AUTS2: variants seen among roughly 807,000 people sequenced by gnomAD.
AUTS2 encodes the protein activator of transcription and developmental regulator AUTS2.
In AUTS2, 17 loss-of-function variants were observed where a neutral mutation model predicts 112.4. The observed-to-expected ratio is 0.15, with a 90% confidence interval of 0.10 to 0.23. AUTS2 has a LOEUF of 0.23. AUTS2 is among the 10% of genes least tolerant of loss of function. The probability of loss-of-function intolerance (pLI) is 1.00; values close to 1 mark genes in which losing one functional copy is unlikely to be tolerated. For missense variants in AUTS2, 1,510 were observed against 1,701.6 expected, an observed-to-expected ratio of 0.89 and a Z score of 1.98; for synonymous variants, 751 against 702.7, an observed-to-expected ratio of 1.07 and a Z score of -1.09.
At chr7:69,940,299 C>T (rs981045405) in intron 2 of AUTS2, among the ~76,000 whole-genome samples, 3 of 151,984 alleles carry the variant, frequency 2.0e-5, no homozygotes. Context: ...TGCAACAGGG[C>T]GAATTAACCT....
intron 1 of AUTS2, among the ~76,000 whole-genome samples, chr7:69,720,303 T>C (rs1417990065): frequency 2.6e-5 from 4 of 152,176 alleles, no homozygotes; most frequent in African/African-American, 4.8e-5. Flanking sequence ...AAATCAACCC[T>C]TGAGGGTTAT....
At chr7:70,176,098 G>T (rs1261437268) in intron 4 of AUTS2, among the ~76,000 whole-genome samples, 1 of 152,106 alleles carries the variant, frequency 6.6e-6, no homozygotes, top group Admixed American at 6.5e-5. Flanking sequence ...TTCAACAGGA[G>T]TGAAGAATCC....
At chr7:70,439,508 C>T (rs904372818) in intron 5 of AUTS2, among the ~76,000 whole-genome samples, 10 of 141,720 alleles carry the variant, frequency 7.1e-5, no homozygotes, top group African/African-American at 2.7e-4. Flanking sequence ...CATTGCACTC[C>T]AGCCTGGGCG....
intron 6 of AUTS2, among the ~76,000 whole-genome samples, chr7:70,727,945 C>A (rs1787132324): frequency 6.6e-6 from 1 of 152,180 alleles, no homozygotes; most frequent in Admixed American, 6.5e-5. Flanking sequence ...TGTTCAGATT[C>A]TTCTATGTTC....
intron 1 of AUTS2, among the ~76,000 whole-genome samples, chr7:69,831,929 A>C (rs1422160729): frequency 2.6e-5 from 4 of 152,206 alleles, no homozygotes; most frequent in African/African-American, 9.7e-5. Flanking sequence ...GATTTGAGAG[A>C]TGCTTTGTCA....
intron 5 of AUTS2, among the ~76,000 whole-genome samples, chr7:70,639,556 G>T (rs1283149402): frequency 1.4e-5 from 2 of 146,116 alleles, no homozygotes; most frequent in Non-Finnish European, 3.0e-5. Context: ...GGTTGAGGCT[G>T]CAGTGAGCTA....
intron 4 of AUTS2, among the ~76,000 whole-genome samples, chr7:70,239,455 G>T (rs1812493226): frequency 6.6e-6 from 1 of 152,066 alleles, no homozygotes; most frequent in Admixed American, 6.6e-5. Context: ...TTGTTTTTGA[G>T]ACAGAGTTTC....
intron 1 of AUTS2, among the ~76,000 whole-genome samples, chr7:69,855,171 C>T (rs781309063): frequency 2.6e-5 from 4 of 152,160 alleles, no homozygotes; most frequent in South Asian, 2.1e-4. Context: ...TCACAATGTA[C>T]GTGATGGACC....
intron 4 of AUTS2, among the ~76,000 whole-genome samples, chr7:70,315,714 C>A (rs1789962775): frequency 6.6e-6 from 1 of 152,018 alleles, no homozygotes; most frequent in South Asian, 2.1e-4. Flanking sequence ...GTCCATTTGA[C>A]CTCCTCCCTC....
chr7:69,720,708 G>A (rs1798885436), intron 1 of AUTS2, among the ~76,000 whole-genome samples: 1 of 152,158 alleles, frequency 6.6e-6, no homozygotes, highest in South Asian at 2.1e-4. Context: ...GATTTTATAA[G>A]TCAGTATATT....
rs1173554415 is a variant in AUTS2, at chr7:69,599,867, C to A, written c.214C>A (p.Pro72Thr). 1.2e-6 allele frequency: 2 copies of A among 1,613,332 alleles called. No individual in the cohort carries two copies. Among genetic ancestry groups the A allele is most frequent in the Non-Finnish European group, 8.5e-7 (1 of 1,179,900 alleles). Residue 72 changes from proline to threonine, a missense_variant, in exon 1 of 19, where the codon CCC (proline) becomes ACC (threonine). Transcript: ENST00000342771. The surrounding 1 kb of genome is among the most constrained non-coding windows in gnomAD (Gnocchi z 7.0). ...GTCCTCCGCCCCGTCCCGGCCCAGA[C>A]CCCCGCGGAGGAAGCGGAGAGAGTC... ...PPSSAPSRPR[P>T]PRRKRRESTS...
At chr7:69,803,117 C>T (rs1344953850) in intron 1 of AUTS2, among the ~76,000 whole-genome samples, 1 of 152,172 alleles carries the variant, frequency 6.6e-6, no homozygotes, top group African/African-American at 2.4e-5. Flanking sequence ...GTTTTTAGCT[C>T]CTCCCACAAT....
At position 70,792,882 on chromosome 7, in the gene AUTS2, CTTGT is replaced by C. The variant is rs1354847068; in HGVS notation, c.*1891_*1894del. 2.0e-5 allele frequency: 3 copies of C among 152,564 alleles called. No individual in the cohort carries two copies. Among genetic ancestry groups the C allele is most frequent in the African/African-American group, 7.2e-5 (3 of 41,428 alleles). The allele number at this position is 152,564 out of a possible 1,614,324, so 9.5% of individuals were successfully genotyped here. On this transcript the variant is annotated 3_prime_UTR_variant, in exon 19 of 19. Coordinates refer to ENST00000342771, the MANE Select transcript of AUTS2 (RefSeq NM_015570.4). Reference sequence around the variant, plus strand: ...AAAATGTGAACTAAGCTTCCAGCTGCTTGTTTGTGTGAGGTGACCATCATTACCT... The same window carrying C: ...AAAATGTGAACTAAGCTTCCAGCTGCTTGTGTGAGGTGACCATCATTACCT...
chr7:70,634,949 C>T (rs561752963), intron 5 of AUTS2, among the ~76,000 whole-genome samples: 12 of 152,142 alleles, frequency 7.9e-5, no homozygotes, highest in Non-Finnish European at 1.3e-4. Context: ...TGCTGGTCTC[C>T]TGCTGAGTAA....
At position 69,599,585 on chromosome 7, in the gene AUTS2, A is replaced by ATT; in HGVS notation, c.-61_-60dup. The ATT allele has an allele frequency of 8.2e-7, 1 of 1,215,536 alleles. No homozygotes were observed. 75.3% of individuals were successfully genotyped at this position (1,215,536 alleles called of 1,614,324 possible). Reference sequence around the variant, plus strand: ...AAGGGGGAGGGAGGGCTCGGTGTCAATTTTTTTTTGTGTGGCTGCGGCCGT... The same window carrying ATT: ...AAGGGGGAGGGAGGGCTCGGTGTCAATTTTTTTTTTTGTGTGGCTGCGGCCGT... On this transcript the variant is annotated 5_prime_UTR_variant, in exon 1 of 19. Transcript: ENST00000342771. The surrounding 1 kb of genome is among the most constrained non-coding windows in gnomAD (Gnocchi z 7.0).
At chr7:70,117,132 T>G (rs866844168) in intron 2 of AUTS2, among the ~76,000 whole-genome samples, 3 of 99,200 alleles carry the variant, frequency 3.0e-5, no homozygotes, top group African/African-American at 8.1e-5. Flanking sequence ...TTTTTGTTTT[T>G]TTTTGTTTTT....
At chr7:70,399,898 T>C (rs967762681) in intron 4 of AUTS2, among the ~76,000 whole-genome samples, 1 of 152,174 alleles carries the variant, frequency 6.6e-6, no homozygotes, top group Non-Finnish European at 1.5e-5. Context: ...TAGTGTGCGG[T>C]GGTAAGCTAT....
intron 4 of AUTS2, among the ~76,000 whole-genome samples, chr7:70,386,323 A>G (rs1793604162): frequency 6.6e-6 from 1 of 152,242 alleles, no homozygotes; most frequent in Non-Finnish European, 1.5e-5. Context: ...CTCCATGTCC[A>G]TCATCAGTTC....
intron 5 of AUTS2, among the ~76,000 whole-genome samples, chr7:70,463,143 AG>A (rs1409013349): frequency 6.6e-6 from 1 of 152,224 alleles, no homozygotes; most frequent in Middle Eastern, 3.2e-3. Context: ...GTTTCAGGGC[AG>A]TGAGCTGTTT....
Sources: allele counts gnomAD v4.1 joint callset (sites outside exome capture counted in the v4.1 genomes callset), GRCh38; gene constraint gnomAD v4.1.1; non-coding constraint Gnocchi (gnomAD v3.1); transcripts MANE v1.5; gene names NCBI Gene and HGNC (gene_info 2026-07-23, HGNC 2026-07-21).